Variants in ABHD17C observed in about 807,000 individuals in gnomAD.
ABHD17C encodes alpha/beta hydrolase domain-containing protein 17C.
A neutral mutation model predicts 27.9 loss-of-function variants in ABHD17C; 11 were observed. The ratio of observed to expected loss-of-function variants is 0.39; its 90% CI spans 0.25 to 0.65. ABHD17C has a LOEUF of 0.65. Ranked by LOEUF, ABHD17C falls within the 30% of genes least tolerant of loss-of-function variation. The pLI is 0.45. For missense variants in ABHD17C, 280 were observed against 470.2 expected, an observed-to-expected ratio of 0.60 and a Z score of 3.74; for synonymous variants, 233 against 209.1, an observed-to-expected ratio of 1.11 and a Z score of -0.98.
intron 1 of ABHD17C, among the ~76,000 whole-genome samples, chr15:80,716,009 T>C (rs1222176484): frequency 6.6e-6 from 1 of 152,218 alleles, no homozygotes; most frequent in South Asian, 2.1e-4. Flanking sequence ...TGATAACCTA[T>C]ATTAAATAAT....
Position 80,695,678 on chromosome 15 carries a change from G to A in ABHD17C, c.249G>A (p.Gly83=), listed in dbSNP as rs1596055813. 1 of 1,475,134 alleles carries A rather than the reference G, an allele frequency of 6.8e-7. No individual in the cohort carries two copies. Among genetic ancestry groups the A allele is most frequent in the Middle Eastern group, 2.3e-4 (1 of 4,284 alleles). 91.4% of individuals were successfully genotyped at this position (1,475,134 alleles called of 1,614,324 possible). A position where few individuals can be genotyped will look rare whatever the true frequency, so the allele number is the denominator to read the frequency against. The stretch of plus-strand genomic sequence containing the variant: ...AGCCCGAGGAGGGCGCGGGCGCGGG[G>A]CCCGGTGCGTGCAGCCTGCACCTCA... ...PQQPEEGAGA[G]PGACSLHLSE... The change falls in exon 1 of 3, where the codon GGG becomes GGA. Residue 83 remains glycine, a synonymous_variant. Transcript: ENST00000258884. This position sits in a 1 kb window ranked among gnomAD's most constrained non-coding sequence, Gnocchi z 4.3.
chr15:80,717,312 C>T (rs1354504201), intron 1 of ABHD17C, among the ~76,000 whole-genome samples: 1 of 148,380 alleles, frequency 6.7e-6, no homozygotes, highest in Non-Finnish European at 1.5e-5. Flanking sequence ...TTGCCTCATC[C>T]ATATTAAGTT....
rs141729092 is a variant in ABHD17C, at chr15:80,732,572, G to A, written c.591-16941G>A. 1.4e-3 allele frequency among the ~76,000 whole-genome samples: 207 copies of A among 152,176 alleles called. 1 individual carries two copies. Among genetic ancestry groups the A allele is most frequent in the Admixed American group, 3.1e-3 (48 of 15,284 alleles). On this transcript the variant is annotated intron_variant, in intron 1 of 2. Coordinates refer to ENST00000258884, the MANE Select transcript of ABHD17C (RefSeq NM_021214.2). The stretch of plus-strand genomic sequence containing the variant: ...AACTTTTTAAGCTTTTAAAAAGGAC[G>A]GGGTGGGGGGATAGAAGGTTTCTGG...
intron 2 of ABHD17C, 24 bp from the exon 3 acceptor site, chr15:80,754,127 G>GC (rs1164366461): frequency 3.2e-6 from 5 of 1,581,040 alleles, no homozygotes; most frequent in Non-Finnish European, 3.5e-6. Context: ...TCCTCTTTCT[G>GC]CCTCCCCCCT....
intron 1 of ABHD17C, among the ~76,000 whole-genome samples, chr15:80,741,776 C>T (rs1460149859): frequency 1.3e-5 from 2 of 152,186 alleles, no homozygotes; most frequent in Non-Finnish European, 2.9e-5. Context: ...AAGCATGTTG[C>T]AACTTCTCTT....
intron 1 of ABHD17C, among the ~76,000 whole-genome samples, chr15:80,725,371 G>A (rs1482921988): frequency 6.6e-6 from 1 of 152,208 alleles, no homozygotes; most frequent in African/African-American, 2.4e-5. Flanking sequence ...CCTGCTCTGT[G>A]TGATTATCTG....
At chr15:80,708,945 C>G (rs1241546493) in intron 1 of ABHD17C, among the ~76,000 whole-genome samples, 2 of 152,080 alleles carry the variant, frequency 1.3e-5, no homozygotes, top group Admixed American at 6.5e-5. Flanking sequence ...TTTTAGGAAC[C>G]TGGGGACATG....
At chr15:80,701,860 T>C (rs1894578125) in intron 1 of ABHD17C, among the ~76,000 whole-genome samples, 1 of 152,148 alleles carries the variant, frequency 6.6e-6, no homozygotes, top group Admixed American at 6.5e-5. Flanking sequence ...GTTTTGGGGA[T>C]CCACTCAGAG....
intron 2 of ABHD17C, among the ~76,000 whole-genome samples, chr15:80,752,998 G>A (rs1895384361): frequency 6.6e-6 from 1 of 152,144 alleles, no homozygotes; most frequent in African/African-American, 2.4e-5. Context: ...AAGCTAAATA[G>A]TACAGTTTTT....
In ABHD17C at chr15:80,754,429, A is replaced by G; in HGVS notation, c.*59A>G. The stretch of plus-strand genomic sequence containing the variant: ...AACAGAAGAGTCCTCTGTTTTGCAC[A>G]TGCTTTAACTGGGTAGCTGTAAAGG... On this transcript the variant is annotated 3_prime_UTR_variant, in exon 3 of 3. Transcript: ENST00000258884. 7.0e-7 allele frequency: 1 copy of G among 1,435,916 alleles called. No homozygotes were observed. The highest frequency in any genetic ancestry group is 9.5e-7 in the Non-Finnish European group (1 of 1,049,004). 88.9% of individuals were successfully genotyped at this position (1,435,916 alleles called of 1,614,324 possible). A position where few individuals can be genotyped will look rare whatever the true frequency, so the allele number is the denominator to read the frequency against.
intron 1 of ABHD17C, among the ~76,000 whole-genome samples, chr15:80,701,311 GAGGGAATACTATGATGCCACTA>G (rs1337420378): frequency 6.6e-6 from 1 of 152,110 alleles, no homozygotes; most frequent in Non-Finnish European, 1.5e-5. Context: ...AGTGTTCTCA[GAGGGAATACTATGATGCCACTA>G]AGGGAAGAAA....
At chr15:80,753,200 T>TA (rs1895386935) in intron 2 of ABHD17C, among the ~76,000 whole-genome samples, 1 of 151,558 alleles carries the variant, frequency 6.6e-6, no homozygotes, top group African/African-American at 2.4e-5. Flanking sequence ...TATATAAATA[T>TA]AAAAAAATCT....
intron 1 of ABHD17C, among the ~76,000 whole-genome samples, chr15:80,726,244 C>T (rs1894973267): frequency 6.6e-6 from 1 of 152,176 alleles, no homozygotes; most frequent in South Asian, 2.1e-4. Context: ...TTTCCTTGCC[C>T]TCATTCCCAT....
At chr15:80,709,845 G>A (rs1020791526) in intron 1 of ABHD17C, among the ~76,000 whole-genome samples, 14 of 152,116 alleles carry the variant, frequency 9.2e-5, no homozygotes, top group African/African-American at 3.4e-4. Context: ...CTAATATCCT[G>A]TTGGATCTGC....
intron 1 of ABHD17C, among the ~76,000 whole-genome samples, chr15:80,743,526 A>G (rs1640465654): frequency 6.6e-6 from 1 of 152,204 alleles, no homozygotes; most frequent in African/African-American, 2.4e-5. Context: ...TCCCCAAAAT[A>G]GCAAATCATA....
intron 1 of ABHD17C, among the ~76,000 whole-genome samples, chr15:80,705,321 G>A (rs1453348713): frequency 1.4e-5 from 2 of 143,418 alleles, no homozygotes; most frequent in Non-Finnish European, 3.0e-5. Context: ...GCAGTTCTGA[G>A]CTTCCTATGA....
At chr15:80,705,246 GGCTCTTATGTCAGAGTCACAT>G (rs1255666613) in intron 1 of ABHD17C, 1 of 151,704 alleles carries the variant, frequency 6.6e-6, no homozygotes, top group Non-Finnish European at 1.5e-5. Flanking sequence ...AACTGATTCT[GGCTCTTATGTCAGAGTCACAT>G]GGGCAAGGTT....
chr15:80,745,958 G>A (rs78731090), intron 1 of ABHD17C, among the ~76,000 whole-genome samples: 2,820 of 152,148 alleles, frequency 0.019, 84 homozygotes, highest in Admixed American at 0.087. Flanking sequence ...AATTTATCTC[G>A]GAGTAGAATT....
At chr15:80,718,205 C>T (rs560240541) in intron 1 of ABHD17C, among the ~76,000 whole-genome samples, 73 of 151,924 alleles carry the variant, frequency 4.8e-4, no homozygotes, top group African/African-American at 1.7e-3. Context: ...CAAAAAATTT[C>T]CCCCCATAAA....
Sources: allele counts gnomAD v4.1 joint callset (sites outside exome capture counted in the v4.1 genomes callset), GRCh38; gene constraint gnomAD v4.1.1; non-coding constraint Gnocchi (gnomAD v3.1); transcripts MANE v1.5; gene names NCBI Gene and HGNC (gene_info 2026-07-23, HGNC 2026-07-21).